The following MED13L variants were observed in gnomAD, a reference collection of about 807,000 sequenced individuals.
The protein encoded by MED13L is mediator complex subunit 13L.
A neutral mutation model predicts 220.9 loss-of-function variants in MED13L; 7 were observed. The observed-to-expected ratio is 0.03, with a 90% CI of 0.02 to 0.06. The LOEUF (loss-of-function observed/expected upper bound fraction) is 0.06. Ranked by LOEUF, MED13L falls within the 10% of genes least tolerant of loss-of-function variation. The pLI is 1.00. For synonymous variants in MED13L, 1,011 were observed against 1,015.2 expected (o/e 1.00, Z 0.08); for missense variants, 1,965 against 2,760.5 (o/e 0.71, Z 6.46).
chr12:116,204,909 T>G (rs1057336689), intron 2 of MED13L, among the ~76,000 whole-genome samples: 5 of 152,202 alleles, frequency 3.3e-5, no homozygotes, highest in South Asian at 2.1e-4. Context: ...AAAAGAAGAA[T>G]AATATCGCTG....
At chr12:116,201,207 C>A (rs950192944) in intron 2 of MED13L, among the ~76,000 whole-genome samples, 1 of 152,058 alleles carries the variant, frequency 6.6e-6, no homozygotes, top group Non-Finnish European at 1.5e-5. Flanking sequence ...TCCTCTATCC[C>A]AAATTGAAAA....
At chr12:116,010,576 G>A (rs116406047) in intron 9 of MED13L, among the ~76,000 whole-genome samples, 10 of 152,210 alleles carry the variant, frequency 6.6e-5, no homozygotes, top group South Asian at 2.1e-4. Context: ...ATCACAGTGC[G>A]TCTCAGCAGG....
chr12:116,243,382 G>C (rs1870821073), intron 1 of MED13L, among the ~76,000 whole-genome samples: 1 of 152,128 alleles, frequency 6.6e-6, no homozygotes, highest in South Asian at 2.1e-4. Flanking sequence ...TCCAATAATG[G>C]AACATTAGGC....
At chr12:116,160,922 T>C (rs116440137) in intron 2 of MED13L, among the ~76,000 whole-genome samples, 1,556 of 152,208 alleles carry the variant, frequency 0.01, 27 homozygotes, top group African/African-American at 0.035. Flanking sequence ...ATGGGCAAAG[T>C]AGATGTCTTA....
chr12:116,077,149 T>C (rs916212456), intron 4 of MED13L, among the ~76,000 whole-genome samples: 1 of 152,240 alleles, frequency 6.6e-6, no homozygotes, highest in East Asian at 1.9e-4. Flanking sequence ...CTAGAGCCCA[T>C]ATCAGTATCT....
At chr12:116,105,501 C>G (rs888228483) in intron 3 of MED13L, among the ~76,000 whole-genome samples, 4 of 152,268 alleles carry the variant, frequency 2.6e-5, no homozygotes, top group Middle Eastern at 3.4e-3. Flanking sequence ...ATTGCATGAT[C>G]TAAAACTATA....
intron 4 of MED13L, among the ~76,000 whole-genome samples, chr12:116,055,135 T>C (rs546521804): frequency 2.1e-4 from 32 of 152,184 alleles, no homozygotes; most frequent in Admixed American, 7.9e-4. Flanking sequence ...TACAGTGGTA[T>C]TGAAATAGTG....
Position 116,247,702 on chromosome 12 carries a change from C to T in MED13L, c.73-9997G>A, listed in dbSNP as rs201286383. 4.7e-4 allele frequency among the ~76,000 whole-genome samples: 69 copies of T among 145,826 alleles called. 1 individual carries two copies. The highest frequency in any genetic ancestry group is 2.7e-4 in the Admixed American group (4 of 14,594). On this transcript the variant is annotated intron_variant, in intron 1 of 30. Coordinates refer to ENST00000281928, the MANE Select transcript of MED13L (RefSeq NM_015335.5). ...AAAGATGCTAACGTATATATATATA[C>T]ACACACATATGCATATGTGCTGATT...
chr12:116,182,955 G>C (rs967136052), intron 2 of MED13L, among the ~76,000 whole-genome samples: 1 of 152,120 alleles, frequency 6.6e-6, no homozygotes, highest in Non-Finnish European at 1.5e-5. Context: ...TGAGGTGAAA[G>C]ACTGTTTTAG....
intron 25 of MED13L, 39 bp downstream of exon 25, chr12:115,975,132 C>T (rs1384188582): frequency 1.9e-6 from 3 of 1,605,526 alleles, no homozygotes; most frequent in African/African-American, 2.7e-5. Context: ...GAGCCCTTTT[C>T]CTCTGTCTTC....
chr12:116,031,161 T>C (rs1431124314), intron 4 of MED13L, among the ~76,000 whole-genome samples: 1 of 152,116 alleles, frequency 6.6e-6, no homozygotes, highest in Non-Finnish European at 1.5e-5. Context: ...TTGCTTCATG[T>C]CAAAACTTTA....
chr12:116,054,230 A>G (rs978052168), intron 4 of MED13L, among the ~76,000 whole-genome samples: 2 of 151,808 alleles, frequency 1.3e-5, no homozygotes, highest in African/African-American at 4.8e-5. Context: ...ACACACACAC[A>G]CACGTACGTC....
chr12:116,125,512 G>A (rs765830111), intron 2 of MED13L, among the ~76,000 whole-genome samples: 2 of 152,234 alleles, frequency 1.3e-5, no homozygotes, highest in Non-Finnish European at 2.9e-5. Context: ...CTTAAACACA[G>A]TGTATTTTGA....
intron 2 of MED13L, among the ~76,000 whole-genome samples, chr12:116,190,275 T>C (rs1347705774): frequency 6.6e-6 from 1 of 152,222 alleles, no homozygotes; most frequent in Non-Finnish European, 1.5e-5. Context: ...TTTAAAATCA[T>C]GAATGGATGA....
intron 2 of MED13L, among the ~76,000 whole-genome samples, chr12:116,142,190 ATG>A (rs1877137205): frequency 2.0e-5 from 3 of 152,134 alleles, no homozygotes; most frequent in Admixed American, 2.0e-4. Flanking sequence ...GGTATATTTT[ATG>A]TGTTTACTTC....
intron 2 of MED13L, among the ~76,000 whole-genome samples, chr12:116,129,334 T>C (rs1298759107): frequency 2.6e-5 from 4 of 152,194 alleles, no homozygotes; most frequent in Non-Finnish European, 5.9e-5. Context: ...TGAAATACAA[T>C]GGCTCTTTTA....
chr12:116,269,346 G>A (rs1873072107), intron 1 of MED13L, among the ~76,000 whole-genome samples: 1 of 151,004 alleles, frequency 6.6e-6, no homozygotes, highest in South Asian at 2.1e-4. Context: ...CCTGAGCACC[G>A]CACCCGGCCT....
chr12:116,012,762 C>T (rs1025652251), intron 9 of MED13L, 35 bp downstream of exon 9: 7 of 1,414,640 alleles, frequency 4.9e-6, no homozygotes, highest in East Asian at 2.3e-5. Flanking sequence ...CGCCATCATT[C>T]GATCCATTAC....
At chr12:116,120,467 T>TCACACACACACACACA (rs1565886949) in intron 2 of MED13L, among the ~76,000 whole-genome samples, 2 of 136,928 alleles carry the variant, frequency 1.5e-5, no homozygotes, top group Non-Finnish European at 3.1e-5. Context: ...TCTCTCTCTC[T>TCACACACACACACACA]CTCTCTCTCT....
Sources: allele counts gnomAD v4.1 joint callset (sites outside exome capture counted in the v4.1 genomes callset), GRCh38; gene constraint gnomAD v4.1.1; transcripts MANE v1.5; gene names NCBI Gene and HGNC (gene_info 2026-07-23, HGNC 2026-07-21).